ANO3: variants seen among roughly 807,000 people sequenced by gnomAD.
The protein encoded by ANO3 is anoctamin 3, also known as anoctamin-3.
ANO3 carries 99 observed loss-of-function variants against 144.8 expected under a neutral mutation model. That is an observed-to-expected ratio of 0.68 (90% CI 0.58 to 0.81). The LOEUF (loss-of-function observed/expected upper bound fraction) is 0.81. ANO3 is among the 30% of genes least tolerant of loss of function. The pLI, the probability that ANO3 is intolerant of heterozygous loss-of-function variation, is 0.00. For missense variants in ANO3, 905 were observed against 1,202.2 expected (o/e 0.75, Z 3.66); for synonymous variants, 414 against 392.6 (o/e 1.05, Z -0.64).
At chr11:26,384,959 C>G (rs1414391334) in intron 1 of ANO3, among the ~76,000 whole-genome samples, 1 of 152,180 alleles carries the variant, frequency 6.6e-6, no homozygotes, top group Middle Eastern at 3.2e-3. Context: ...GGCTCTTCCT[C>G]TCTGGGTGCC....
chr11:26,369,558 A>T (rs898497510), intron 1 of ANO3, among the ~76,000 whole-genome samples: 1 of 152,136 alleles, frequency 6.6e-6, no homozygotes, highest in Admixed American at 6.5e-5. Context: ...TCAATTATCA[A>T]GTTTTTCCCT....
intron 1 of ANO3, among the ~76,000 whole-genome samples, chr11:26,263,344 C>T (rs1188877800): frequency 6.6e-6 from 1 of 152,210 alleles, no homozygotes; most frequent in Admixed American, 6.5e-5. Flanking sequence ...TTACCTTCCT[C>T]TTTCTCTGTA....
At chr11:26,494,496 C>A (rs1193895854) in intron 4 of ANO3, among the ~76,000 whole-genome samples, 1 of 152,146 alleles carries the variant, frequency 6.6e-6, no homozygotes, top group Non-Finnish European at 1.5e-5. Context: ...GGTATTTCAA[C>A]TACACCTCAT....
chr11:26,425,271 A>G (rs1246394894), intron 1 of ANO3, among the ~76,000 whole-genome samples: 2 of 152,134 alleles, frequency 1.3e-5, no homozygotes, highest in East Asian at 3.9e-4. Flanking sequence ...TCCTAGGGTT[A>G]TCTGATTTTC....
At chr11:26,280,331 G>T (rs1024757636) in intron 1 of ANO3, among the ~76,000 whole-genome samples, 2 of 152,108 alleles carry the variant, frequency 1.3e-5, no homozygotes, top group African/African-American at 4.8e-5. Context: ...GAACTAATAG[G>T]ATAGATGTAT....
chr11:26,191,125 A>C (rs899063096), intron 1 of ANO3, among the ~76,000 whole-genome samples: 1 of 152,098 alleles, frequency 6.6e-6, no homozygotes, highest in Non-Finnish European at 1.5e-5. Flanking sequence ...AAAAATACAA[A>C]ATTAGCCAGG....
At chr11:26,344,742 A>G (rs184045058) in intron 1 of ANO3, among the ~76,000 whole-genome samples, 2 of 152,098 alleles carry the variant, frequency 1.3e-5, no homozygotes, top group East Asian at 1.9e-4. Flanking sequence ...GTGCTTCTCT[A>G]TTTCTCCCAC....
chr11:26,503,012 A>G (rs190793189), intron 4 of ANO3, among the ~76,000 whole-genome samples: 18 of 152,256 alleles, frequency 1.2e-4, no homozygotes, highest in Admixed American at 1.0e-3. Context: ...TACTCAACAT[A>G]AGCCATAACT....
intron 17 of ANO3, among the ~76,000 whole-genome samples, chr11:26,602,304 A>G (rs953623421): frequency 6.6e-6 from 1 of 152,190 alleles, no homozygotes; most frequent in African/African-American, 2.4e-5. Context: ...GTGGCATGTA[A>G]AGAGTATGGA....
chr11:26,429,985 C>T (rs1858032379), intron 1 of ANO3, among the ~76,000 whole-genome samples: 2 of 152,108 alleles, frequency 1.3e-5, no homozygotes, highest in African/African-American at 2.4e-5. Flanking sequence ...CGTCTGTAAT[C>T]TCAGCCCTTC....
intron 1 of ANO3, among the ~76,000 whole-genome samples, chr11:26,359,399 T>C (rs757993358): frequency 1.3e-5 from 2 of 152,204 alleles, no homozygotes; most frequent in African/African-American, 2.4e-5. Context: ...GAGCACCATG[T>C]ACAGTACAGC....
chr11:26,387,198 A>T (rs7949296), intron 1 of ANO3, among the ~76,000 whole-genome samples: 39,991 of 147,190 alleles, frequency 0.27, 6,016 homozygotes, highest in African/African-American at 0.41. Flanking sequence ...GGTCTGGAAC[A>T]CCTGACCTTA....
intron 23 of ANO3, among the ~76,000 whole-genome samples, chr11:26,646,434 T>A (rs1853348204): frequency 1.3e-5 from 2 of 152,142 alleles, no homozygotes; most frequent in South Asian, 4.1e-4. Flanking sequence ...AGGATTAAAA[T>A]GTTTGCATAT....
At chr11:26,521,269 T>A (rs1862063861) in intron 6 of ANO3, among the ~76,000 whole-genome samples, 2 of 152,130 alleles carry the variant, frequency 1.3e-5, no homozygotes, top group Admixed American at 1.3e-4. Context: ...CATATGTATC[T>A]CTTTTTAGGA....
chr11:26,651,710 G>T (rs1590680617), intron 24 of ANO3, among the ~76,000 whole-genome samples: 1 of 151,870 alleles, frequency 6.6e-6, no homozygotes, highest in East Asian at 1.9e-4. Context: ...ATACACCTCT[G>T]TGAAAAAAAG....
chr11:26,332,123 G>A (rs1855062037), upstream of ANO3: 4 of 1,490,942 alleles, frequency 2.7e-6, no homozygotes, highest in Admixed American at 2.2e-5. Context: ...CGGCGGGCGC[G>A]TAGCCTGGAG....
chr11:26,387,116 G>T (rs1856754456), intron 1 of ANO3, among the ~76,000 whole-genome samples: 1 of 145,590 alleles, frequency 6.9e-6, no homozygotes, highest in African/African-American at 2.6e-5. Flanking sequence ...ATAGTTATTT[G>T]ATGCAAATGT....
At chr11:26,515,222 C>T (rs1339399518) in intron 5 of ANO3, among the ~76,000 whole-genome samples, 3 of 151,962 alleles carry the variant, frequency 2.0e-5, no homozygotes, top group Non-Finnish European at 4.4e-5. Flanking sequence ...GACATGAAAG[C>T]ATCTTAAGCT....
In ANO3 at chr11:26,512,496, T is replaced by C. The variant is rs151094233; in HGVS notation, c.591+4234T>C. ...CCCCTGGCCAGTAACTGCAAAAAAA[T>C]GAAACTACATTTCTTTTCTTCTGCT... On this transcript the variant is annotated intron_variant, in intron 5 of 26. Transcript: ENST00000256737. Among the ~76,000 whole-genome samples the C allele has an allele frequency of 1.4e-4, 22 of 152,210 alleles. No homozygotes were observed. The East Asian group carries it at 4.1e-3, about 28-fold the overall frequency.
Sources: allele counts gnomAD v4.1 joint callset (sites outside exome capture counted in the v4.1 genomes callset), GRCh38; gene constraint gnomAD v4.1.1; transcripts MANE v1.5; gene names NCBI Gene and HGNC (gene_info 2026-07-23, HGNC 2026-07-21).